PIGO: variants seen among roughly 807,000 people sequenced by gnomAD.
The protein encoded by PIGO is GPI ethanolamine phosphate transferase 3, catalytic subunit.
A neutral mutation model predicts 86.9 loss-of-function variants in PIGO; 66 were observed. That is an observed-to-expected ratio of 0.76 (90% CI 0.62 to 0.93). PIGO has a LOEUF of 0.93. Among genes scored for constraint, PIGO ranks in the 40% least tolerant of loss-of-function variants. The pLI, the probability that PIGO is intolerant of heterozygous loss-of-function variation, is 0.00. For missense variants in PIGO, 1,202 were observed against 1,359.1 expected (o/e 0.88, Z 1.82); for synonymous variants, 570 against 556.4 (o/e 1.02, Z -0.34).
chr9:35,089,921 C>A (rs1829334991), intron 9 of PIGO, 145 bp downstream of exon 9: 1 of 1,433,298 alleles, frequency 7.0e-7, no homozygotes, highest in African/African-American at 1.4e-5. Context: ...CTCAGAACTG[C>A]CATTTGAGGC....
rs774644826 is a variant in PIGO at position 35,093,165 on chromosome 9, G to A, written c.984C>T (p.Ala328=). The A allele has an allele frequency of 6.2e-7, 1 of 1,613,982 alleles. No individual in the cohort carries two copies. Among genetic ancestry groups the A allele is most frequent in the African/African-American group, 1.3e-5 (1 of 74,924 alleles). Residue 328 remains alanine, a synonymous_variant, in exon 6 of 11, where the codon GCC becomes GCT. Coordinates refer to ENST00000378617, the MANE Select transcript of PIGO (RefSeq NM_032634.4). ...IPQVSLVPTL[A]LLLGLPIPFG... ...ATGGGATGGGCAGGCCCAGCAGCAG[G>A]GCCAGCGTGGGCACAAGGCTAACTT...
Position 35,093,413 on chromosome 9 carries a change from G to A in PIGO, c.939+8C>T, listed in dbSNP as rs2131079635. 1 of 1,614,058 alleles carries A rather than the reference G, an allele frequency of 6.2e-7. No individual in the cohort carries two copies. The highest frequency in any genetic ancestry group is 8.5e-7 in the Non-Finnish European group (1 of 1,179,998). ...GGGAGAACAGATGAGGAACATCCCA[G>A]GCCTCACCTCTGGTGGGGTGCTGGG... On this transcript the variant is annotated splice_region_variant and intron_variant, in intron 5 of 10. Coordinates refer to ENST00000378617, the MANE Select transcript of PIGO (RefSeq NM_032634.4).
chr9:35,091,513 C>G lies in PIGO; in HGVS notation c.2374G>C (p.Asp792His). ...ATTTGAGGGACCACATAATCCAAGT[C>G]AGCTTGAGAAGTGGGGGGGCCTGAG... Reference protein sequence around the residue: ...PFSGPPTSQADLDYVVPQIYR... With the variant: ...PFSGPPTSQAHLDYVVPQIYR... The change falls in exon 7 of 11, where the codon GAC becomes CAC. Residue 792 changes from aspartate (D) to histidine (H), a missense_variant. Physicochemically the swap from Asp to His is moderately conservative, Grantham distance 81. Transcript: ENST00000378617. The G allele has an allele frequency of 3.1e-6, 5 of 1,614,200 alleles. No individual in the cohort carries two copies. Among genetic ancestry groups the G allele is most frequent in the Non-Finnish European group, 4.2e-6 (5 of 1,180,034 alleles).
Position 35,090,244 on chromosome 9 carries a change from C to T in PIGO, c.2891G>A (p.Cys964Tyr), listed in dbSNP as rs148648652. Residue 964 changes from cysteine to tyrosine, a missense_variant, in exon 9 of 11, where the codon TGT becomes TAT. Coordinates refer to ENST00000378617, the MANE Select transcript of PIGO (RefSeq NM_032634.4). ...CPLLLLWPFL[C>Y]ESQGLRKRQQ... ...TCTCTTCCGCAGCCCTTGACTCTCA[C>T]ACAGGAAAGGCCAGAGCAGGAGCAG... 3.1e-6 allele frequency: 5 copies of T among 1,614,060 alleles called. No homozygotes were observed. The African/African-American group carries it at 6.7e-5, about 22-fold the overall frequency.
At chr9:35,093,765 A>G in intron 4 of PIGO, 136 bp downstream of exon 4, 1 of 1,481,484 alleles carries the variant, frequency 6.7e-7, no homozygotes, top group Non-Finnish European at 9.1e-7. Context: ...TGAGTTAATC[A>G]AGATGGATGG....
Position 35,092,222 on chromosome 9 carries a change from A to C in PIGO, c.1665T>G (p.Phe555Leu). The part of the protein sequence containing the change: ...IPGPVLLLLL[F>L]RLAVFFSDSF... Reference sequence around the variant, plus strand: ...TATCAGAGAAGAACACAGCCAAGCGAAACAGCAGGAGTAACAGGACGGGCC... The same window carrying C: ...TATCAGAGAAGAACACAGCCAAGCGCAACAGCAGGAGTAACAGGACGGGCC... The change falls in exon 7 of 11, where the codon TTT (phenylalanine) becomes TTG (leucine). Residue 555 changes from phenylalanine (F) to leucine (L), a missense_variant. Physicochemically the swap from Phe to Leu is conservative, Grantham distance 22. Transcript: ENST00000378617. The C allele has an allele frequency of 6.2e-7, 1 of 1,614,212 alleles. No homozygotes were observed. The highest frequency in any genetic ancestry group is 8.5e-7 in the Non-Finnish European group (1 of 1,180,040).
Position 35,090,210 on chromosome 9 carries a change from G to A in PIGO, c.2925C>T (p.Pro975=). Residue 975 remains proline, a synonymous_variant, in exon 9 of 11, where the codon CCC becomes CCT. Transcript: ENST00000378617. ...ESQGLRKRQQ[P]PGNEADARVR... ...CTCTGGCATCAGCTTCATTCCCTGG[G>A]GGCTGCTGTCTCTTCCGCAGCCCTT... 2.5e-6 allele frequency: 4 copies of A among 1,614,164 alleles called. No individual in the cohort carries two copies. The highest frequency in any genetic ancestry group is 3.4e-6 in the Non-Finnish European group (4 of 1,180,032).
rs1447429820 is a variant in PIGO, at chr9:35,088,820, T to C, written c.*272A>G. 1.8e-5 allele frequency: 6 copies of C among 342,804 alleles called. No homozygotes were observed. Among genetic ancestry groups the C allele is most frequent in the South Asian group, 1.1e-4 (3 of 26,906 alleles). The allele number at this position is 342,804 out of a possible 1,614,324, so 21.2% of individuals were successfully genotyped here. A position where few individuals can be genotyped will look rare whatever the true frequency, so the allele number is the denominator to read the frequency against. ...TCTGCCTCCCAAAGTGCTGGGATTATAGGTGCAAGTCACCACGCCCGGCCT... is the reference window on the plus strand; with the variant it reads ...TCTGCCTCCCAAAGTGCTGGGATTACAGGTGCAAGTCACCACGCCCGGCCT... On this transcript the variant is annotated 3_prime_UTR_variant, in exon 11 of 11. Coordinates refer to ENST00000378617, the MANE Select transcript of PIGO (RefSeq NM_032634.4).
Position 35,090,261 on chromosome 9 carries a change from CAGG to C in PIGO, c.2871_2873del (p.Leu959del). 2 of 1,613,854 alleles carry C rather than the reference CAGG, an allele frequency of 1.2e-6. No homozygotes were observed. The highest frequency in any genetic ancestry group is 1.7e-6 in the Non-Finnish European group (2 of 1,179,950). ...GACTCTCACACAGGAAAGGCCAGAG[CAGG>C]AGCAGTGGGCAACCTACTGCCTCAA... On this transcript the variant is annotated inframe_deletion, in exon 9 of 11. Coordinates refer to ENST00000378617, the MANE Select transcript of PIGO (RefSeq NM_032634.4).
chr9:35,089,998 G>A, intron 9 of PIGO, 68 bp downstream of exon 9: 1 of 1,545,154 alleles, frequency 6.5e-7, no homozygotes, highest in Non-Finnish European at 8.8e-7. Flanking sequence ...CGGTTTTGAA[G>A]GTCTGAAAGA....
chr9:35,090,378 C>G (rs2131071322), intron 8 of PIGO, 88 bp downstream of exon 8: 2 of 1,548,254 alleles, frequency 1.3e-6, no homozygotes, highest in East Asian at 2.3e-5. Flanking sequence ...TCCAACAAAC[C>G]CATATCTCTC....
At position 35,091,677 on chromosome 9, in the gene PIGO, G is replaced by A; in HGVS notation, c.2210C>T (p.Ser737Phe). The change falls in exon 7 of 11, where the codon TCT (serine) becomes TTT (phenylalanine). Residue 737 changes from serine (S) to phenylalanine (F), a missense_variant. Ser to Phe is a radical substitution (Grantham distance 155, BLOSUM62 -2). Coordinates refer to ENST00000378617, the MANE Select transcript of PIGO (RefSeq NM_032634.4). ...CCGAGGCAGCACCATGGATGCCCCA[G>A]AGACCAGGACCCGGAGACGGGGGGG... is the stretch of plus-strand genomic sequence containing the variant. ...EAPPRLRVLV[S>F]GASMVLPRAV... The A allele has an allele frequency of 6.2e-7, 1 of 1,612,926 alleles. No individual in the cohort carries two copies. Among genetic ancestry groups the A allele is most frequent in the Non-Finnish European group, 8.5e-7 (1 of 1,180,040 alleles).
intron 10 of PIGO, 60 bp downstream of exon 10, chr9:35,089,320 A>G: frequency 6.2e-7 from 1 of 1,613,724 alleles, no homozygotes; most frequent in Non-Finnish European, 8.5e-7. Flanking sequence ...TAGGATCTTC[A>G]TACTTTGTTC....
At position 35,093,460 on chromosome 9, in the gene PIGO, C is replaced by T. The variant is rs575290480; in HGVS notation, c.900G>A (p.Leu300=). Residue 300 remains leucine, a synonymous_variant, in exon 5 of 11, where the codon CTG becomes CTA. Transcript: ENST00000378617. ...SELEVSAALF[L]YSPTAVFPST... is the part of the protein sequence containing the mutation. The stretch of plus-strand genomic sequence containing the variant: ...TGGGGAAGACTGCTGTGGGGCTATA[C>T]AGAAAGAGAGCAGCTGAGACCTCCA... The T allele has an allele frequency of 1.7e-5, 28 of 1,614,152 alleles. No individual in the cohort carries two copies. The East Asian group carries it at 3.8e-4, about 22-fold the overall frequency.
Position 35,091,954 on chromosome 9 carries a change from T to G in PIGO, c.1933A>C (p.Thr645Pro). Residue 645 changes from threonine (T) to proline (P), a missense_variant, in exon 7 of 11, where the codon ACA becomes CCA. Coordinates refer to ENST00000378617, the MANE Select transcript of PIGO (RefSeq NM_032634.4). The stretch of plus-strand genomic sequence containing the variant: ...CAGGGAGAGGAGTGGCAAACAGGTG[T>G]CTCTTCAGGGCAACGATGAAAAAGC... ...AGLFHRCPEE[T>P]PVCHSSPWLS... The G allele has an allele frequency of 1.2e-6, 2 of 1,614,054 alleles. No individual in the cohort carries two copies. The highest frequency in any genetic ancestry group is 1.7e-6 in the Non-Finnish European group (2 of 1,180,018).
rs1829415686 is a variant in PIGO, at chr9:35,091,525, T to C, written c.2362A>G (p.Thr788Ala). Residue 788 changes from threonine to alanine, a missense_variant, in exon 7 of 11, where the codon ACT becomes GCT. By Grantham distance (58) the Thr-to-Ala change is moderately conservative. Transcript: ENST00000378617. ...ACATAATCCAAGTCAGCTTGAGAAG[T>C]GGGGGGGCCTGAGAAGGGAGTGAGG... The part of the protein sequence containing the change: ...TVLTPFSGPP[T>A]SQADLDYVVP... 2 of 1,613,812 alleles carry C rather than the reference T, an allele frequency of 1.2e-6. No individual in the cohort carries two copies. The highest frequency in any genetic ancestry group is 1.7e-5 in the Admixed American group (1 of 59,974).
At chr9:35,095,006 G>A (rs748128280) in intron 2 of PIGO, 49 bp downstream of exon 2, 2 of 1,533,504 alleles carry the variant, frequency 1.3e-6, no homozygotes, top group East Asian at 4.5e-5. Context: ...TTCAAATTTT[G>A]AAGAAATTTG....
chr9:35,094,157 C>A, intron 3 of PIGO, 59 bp downstream of exon 3: 1 of 1,560,372 alleles, frequency 6.4e-7, no homozygotes, highest in Non-Finnish European at 8.6e-7. Context: ...AATTTGTGGA[C>A]TAAAGCAGTT....
At chr9:35,093,243 C>A in intron 5 of PIGO, 34 bp from the exon 6 acceptor site, 2 of 1,593,934 alleles carry the variant, frequency 1.3e-6, no homozygotes, top group South Asian at 1.1e-5. Flanking sequence ...ACAGATTCAT[C>A]ACAAAGCTGA....
Sources: gnomAD v4.1 joint callset for allele counts on GRCh38, gnomAD v4.1.1 for gene constraint, MANE v1.5 for transcripts, NCBI Gene and HGNC (gene_info 2026-07-23, HGNC 2026-07-21) for gene names.